NOC2L: variants seen among roughly 807,000 people sequenced by gnomAD.
The protein encoded by NOC2L is NOC2 like nucleolar associated transcriptional repressor.
A neutral mutation model predicts 94.2 loss-of-function variants in NOC2L; 101 were observed. The ratio of observed to expected loss-of-function variants is 1.07; its 90% CI spans 0.91 to 1.26. The LOEUF is 1.26. Ranked by LOEUF, NOC2L falls within the 50% of genes most tolerant of loss-of-function variation. NOC2L has a pLI of 0.00. For missense variants in NOC2L, 1,076 were observed against 980.1 expected (o/e 1.10, Z -1.31); for synonymous variants, 531 against 413.4 (o/e 1.28, Z -3.45).
In NOC2L at chr1:952,149, G is replaced by A; in HGVS notation, c.1192-10C>T. 1.2e-6 allele frequency: 2 copies of A among 1,613,420 alleles called. No homozygotes were observed. Among genetic ancestry groups the A allele is most frequent in the Non-Finnish European group, 1.7e-6 (2 of 1,179,922 alleles). ...CAGACTGGTATGTTTCCTGGTCAGA[G>A]AGAACCACGTCAGCTACTGGCCAGG... On this transcript the variant is annotated splice_polypyrimidine_tract_variant and intron_variant, in intron 10 of 18. Transcript: ENST00000327044.
At chr1:954,468 G>A (rs1642345419) in intron 6 of NOC2L, 1 of 201,992 alleles carries the variant, frequency 5.0e-6, no homozygotes, top group African/African-American at 2.3e-5. Flanking sequence ...CAGCACCTCT[G>A]GGGTCGCCCA....
intron 14 of NOC2L, among the ~76,000 whole-genome samples, chr1:947,330 G>T (rs766407116): frequency 2.0e-5 from 3 of 152,238 alleles, no homozygotes; most frequent in Non-Finnish European, 4.4e-5. Context: ...GTGCCCCCCA[G>T]AAAGGGGGTC....
chr1:956,258 T>A lies in NOC2L; in HGVS notation c.487-43A>T, dbSNP rs566871998. On this transcript the variant is annotated intron_variant, in intron 4 of 18. Coordinates refer to ENST00000327044, the MANE Select transcript of NOC2L (RefSeq NM_015658.4). ...CCAGGGGCGTCAGGGGAGCTGAGAC[T>A]GCACTTGGCAGAGTGGAAACGGCAG... 1.4e-5 allele frequency: 23 copies of A among 1,606,104 alleles called. No homozygotes were observed. In the South Asian group the frequency reaches 2.0e-4, roughly 14 times the overall value.
intron 16 of NOC2L, 119 bp from the exon 17 acceptor site, chr1:945,772 C>A: frequency 7.9e-7 from 1 of 1,260,644 alleles, no homozygotes. Flanking sequence ...CTAGTCCCCT[C>A]TGTTCCCAAA....
chr1:948,090 A>G (rs1453757044), intron 14 of NOC2L, 41 bp downstream of exon 14: 3 of 1,487,262 alleles, frequency 2.0e-6, no homozygotes, highest in African/African-American at 2.8e-5. Context: ...GTTATAAGAC[A>G]GTCTGAGTCG....
chr1:946,591 G>A (rs1415428113), intron 14 of NOC2L, 46 bp from the exon 15 acceptor site: 1 of 1,592,664 alleles, frequency 6.3e-7, no homozygotes, highest in Non-Finnish European at 8.6e-7. Flanking sequence ...ACCGCTCCAT[G>A]TGCACAGCTG....
At chr1:955,524 C>G (rs1055152093) in intron 6 of NOC2L, among the ~76,000 whole-genome samples, 1 of 152,226 alleles carries the variant, frequency 6.6e-6, no homozygotes, top group Non-Finnish European at 1.5e-5. Flanking sequence ...TGATGAGGCC[C>G]CTGTCTACAG....
rs551347219 is a variant in NOC2L at position 948,866 on chromosome 1, G to A, written c.1444-263C>T. Among the ~76,000 whole-genome samples the A allele has an allele frequency of 3.3e-5, 5 of 152,224 alleles. No homozygotes were observed. The East Asian group carries it at 7.7e-4, about 24-fold the overall frequency. On this transcript the variant is annotated intron_variant, in intron 12 of 18. Coordinates refer to ENST00000327044, the MANE Select transcript of NOC2L (RefSeq NM_015658.4). ...CAGCAGGGAAGGATCAGGAACACGGGCCCTCTCCCAAAATCCTGGGAAGCA... is the reference window on the plus strand; with the variant it reads ...CAGCAGGGAAGGATCAGGAACACGGACCCTCTCCCAAAATCCTGGGAAGCA...
Position 952,586 on chromosome 1 carries a change from C to G in NOC2L, c.1017G>C (p.Thr339=). Residue 339 remains threonine (T), a synonymous_variant, in exon 10 of 19, where the codon ACG becomes ACC. Coordinates refer to ENST00000327044, the MANE Select transcript of NOC2L (RefSeq NM_015658.4). ...AGGTGAACTTGCAGTTCCTCACATACGTGATGTACATTTGCTGCGGAGAGA... is the reference window on the plus strand; with the variant it reads ...AGGTGAACTTGCAGTTCCTCACATAGGTGATGTACATTTGCTGCGGAGAGA... The part of the protein sequence containing the change: ...LGPVLKQMYI[T]YVRNCKFTSP... 6.2e-7 allele frequency: 1 copy of G among 1,613,780 alleles called. No homozygotes were observed. The highest frequency in any genetic ancestry group is 8.5e-7 in the Non-Finnish European group (1 of 1,180,008).
intron 18 of NOC2L, 107 bp downstream of exon 18, chr1:944,950 G>A (rs1432867569): frequency 3.2e-6 from 5 of 1,556,410 alleles, no homozygotes; most frequent in African/African-American, 1.4e-5. Flanking sequence ...GGCCTTCCCA[G>A]GGAGGGAAAA....
At chr1:957,364 G>A (rs1642439268) in intron 2 of NOC2L, 91 bp from the exon 3 acceptor site, 1 of 1,320,194 alleles carries the variant, frequency 7.6e-7, no homozygotes, top group Non-Finnish European at 1.0e-6. Context: ...CCTTCACAAG[G>A]GTTACCAACT....
At chr1:944,986 C>CA in intron 18 of NOC2L, 71 bp downstream of exon 18, 1 of 1,605,784 alleles carries the variant, frequency 6.2e-7, no homozygotes, top group Non-Finnish European at 8.5e-7. Context: ...CCACGCCCCC[C>CA]GCCCACGTGG....
At chr1:947,712 T>C (rs1235526668) in intron 14 of NOC2L, among the ~76,000 whole-genome samples, 2 of 152,156 alleles carry the variant, frequency 1.3e-5, no homozygotes, top group African/African-American at 2.4e-5. Flanking sequence ...GAGGCTGATG[T>C]GGGGTATTTG....
intron 10 of NOC2L, 91 bp downstream of exon 10, chr1:952,321 T>C: frequency 6.7e-7 from 1 of 1,499,246 alleles, no homozygotes; most frequent in South Asian, 1.2e-5. Flanking sequence ...AGACAGGGGC[T>C]TCGGGGAGGC....
chr1:945,023 C>T, intron 18 of NOC2L, 34 bp downstream of exon 18: 1 of 1,613,756 alleles, frequency 6.2e-7, no homozygotes, highest in South Asian at 1.1e-5. Flanking sequence ...GATGGGCTCA[C>T]AGGGCCACAC....
Position 951,111 on chromosome 1 carries a change from C to G in NOC2L, c.1443+16G>C. Reference sequence around the variant, plus strand: ...AGCAGGCAGAGGTGCCACACGCCCACCACAGCCTCACTCACCTCCAGGATG... The same window carrying G: ...AGCAGGCAGAGGTGCCACACGCCCAGCACAGCCTCACTCACCTCCAGGATG... On this transcript the variant is annotated intron_variant, in intron 12 of 18. Transcript: ENST00000327044. 1 of 1,552,382 alleles carries G rather than the reference C, an allele frequency of 6.4e-7. No individual in the cohort carries two copies. The highest frequency in any genetic ancestry group is 8.7e-7 in the Non-Finnish European group (1 of 1,144,176).
At position 957,186 on chromosome 1, in the gene NOC2L, C is replaced by A. The variant is rs1642430701; in HGVS notation, c.267G>T (p.Glu89Asp). Residue 89 changes from glutamate (E) to aspartate (D), a missense_variant, in exon 3 of 19, where the codon GAG becomes GAT. Around this residue, in one of 3 missense-constraint regions of NOC2L, gnomAD observed 457 missense variants for 386.0 expected, o/e 1.18. Coordinates refer to ENST00000327044, the MANE Select transcript of NOC2L (RefSeq NM_015658.4). ...TGAAGTTTAGCAGGCTCTGGTCATTCTCCTGCAGGAACTTGTAGAACTCGG... is the reference window on the plus strand; with the variant it reads ...TGAAGTTTAGCAGGCTCTGGTCATTATCCTGCAGGAACTTGTAGAACTCGG... ...RDPEFYKFLQ[E>D]NDQSLLNFSD... 5.0e-6 allele frequency: 8 copies of A among 1,614,096 alleles called. No homozygotes were observed. Among genetic ancestry groups the A allele is most frequent in the Non-Finnish European group, 6.8e-6 (8 of 1,180,042 alleles).
In NOC2L at chr1:956,027, G is replaced by A. The variant is rs763845464; in HGVS notation, c.608-14C>T. 1.9e-6 allele frequency: 3 copies of A among 1,613,920 alleles called. No individual in the cohort carries two copies. The highest frequency in any genetic ancestry group is 2.2e-5 in the East Asian group (1 of 44,896). ...GAGCATTGAATGCTGCAACGAAAAGGCCTGGATGTACTCACGGGACAGAGA... is the reference window on the plus strand; with the variant it reads ...GAGCATTGAATGCTGCAACGAAAAGACCTGGATGTACTCACGGGACAGAGA... On this transcript the variant is annotated splice_polypyrimidine_tract_variant and intron_variant, in intron 5 of 18. Coordinates refer to ENST00000327044, the MANE Select transcript of NOC2L (RefSeq NM_015658.4).
chr1:949,712 C>T (rs1642201712), intron 12 of NOC2L, among the ~76,000 whole-genome samples: 2 of 152,182 alleles, frequency 1.3e-5, no homozygotes, highest in South Asian at 4.1e-4. Context: ...GGCAGCAGAG[C>T]TGGAGGCCCA....
Sources: allele counts gnomAD v4.1 joint callset (sites outside exome capture counted in the v4.1 genomes callset), GRCh38; gene constraint gnomAD v4.1.1; regional missense constraint gnomAD v4.1.1; transcripts MANE v1.5; gene names NCBI Gene and HGNC (gene_info 2026-07-23, HGNC 2026-07-21).